Variants in CNOT10 observed in about 807,000 individuals in gnomAD.
CNOT10 encodes CCR4-NOT transcription complex subunit 10, also known as CCR4-NOT transcription complex, subunit 10.
In CNOT10, 30 loss-of-function variants were observed where a neutral mutation model predicts 94.6. That is an observed-to-expected ratio of 0.32 (90% CI 0.24 to 0.43). CNOT10 has a LOEUF of 0.43. Ranked by LOEUF, CNOT10 falls within the 20% of genes least tolerant of loss-of-function variation. The pLI is 1.00. For synonymous variants in CNOT10, 289 were observed against 301.6 expected (o/e 0.96, Z 0.43); for missense variants, 759 against 877.2 (o/e 0.87, Z 1.70).
intron 17 of CNOT10, among the ~76,000 whole-genome samples, chr3:32,768,101 A>T (rs1700727927): frequency 6.6e-6 from 1 of 152,178 alleles, no homozygotes; most frequent in Admixed American, 6.5e-5. Flanking sequence ...CTCCGAGTAG[A>T]TGTTTCCAAG....
chr3:32,767,035 GA>G (rs1247352330), intron 17 of CNOT10, among the ~76,000 whole-genome samples: 2 of 152,184 alleles, frequency 1.3e-5, no homozygotes, highest in Non-Finnish European at 2.9e-5. Context: ...CTTGCTTGTA[GA>G]CCTTTGCAGT....
Position 32,773,441 on chromosome 3 carries a change from G to A in CNOT10, c.2081-16G>A. The stretch of plus-strand genomic sequence containing the variant: ...TTGTTCTGTGCTTTGTTTTTTAACG[G>A]GAAGTGTTTTTATAGGTAATACTCA... On this transcript the variant is annotated splice_polypyrimidine_tract_variant and intron_variant, in intron 18 of 18. Coordinates refer to ENST00000328834, the MANE Select transcript of CNOT10 (RefSeq NM_015442.3). The A allele has an allele frequency of 6.2e-7, 1 of 1,601,246 alleles. No individual in the cohort carries two copies. Among genetic ancestry groups the A allele is most frequent in the African/African-American group, 1.3e-5 (1 of 74,462 alleles).
chr3:32,708,953 TA>T, intron 4 of CNOT10, 133 bp downstream of exon 4: 1 of 651,654 alleles, frequency 1.5e-6, no homozygotes, highest in South Asian at 3.0e-5. Context: ...CAGCTTTGCT[TA>T]ATGGTTAGAA....
chr3:32,713,537 A>G (rs1489067950), intron 5 of CNOT10, among the ~76,000 whole-genome samples, 168 bp downstream of exon 5: 1 of 152,240 alleles, frequency 6.6e-6, no homozygotes, highest in African/African-American at 2.4e-5. Context: ...TTACCATTTT[A>G]AAGTGTAGAG....
intron 18 of CNOT10, among the ~76,000 whole-genome samples, chr3:32,770,869 A>G (rs1700872972): frequency 6.6e-6 from 1 of 151,784 alleles, no homozygotes; most frequent in African/African-American, 2.4e-5. Flanking sequence ...ACCCACCAAC[A>G]TGCCTGGTTA....
chr3:32,764,688 A>G lies in CNOT10; in HGVS notation c.1883A>G (p.Lys628Arg), dbSNP rs1316732775. The change falls in exon 17 of 19, where the codon AAG becomes AGG. Residue 628 changes from lysine to arginine, a missense_variant. Transcript: ENST00000328834. ...GENEAMESSG[K>R]RAPQCYPSSV... ...CTACACTCTTTTTCCCCAGCTGGTA[A>G]GCGGGCCCCTCAGTGCTACCCCAGT... is the stretch of plus-strand genomic sequence containing the variant. 2 of 1,613,882 alleles carry G rather than the reference A, an allele frequency of 1.2e-6. No homozygotes were observed. The highest frequency in any genetic ancestry group is 2.2e-5 in the South Asian group (2 of 91,026).
intron 4 of CNOT10, among the ~76,000 whole-genome samples, chr3:32,711,899 C>T (rs1358771050): frequency 6.6e-6 from 1 of 152,180 alleles, no homozygotes; most frequent in East Asian, 1.9e-4. Flanking sequence ...AGATATATGA[C>T]CTTTGCACAC....
rs534485771 is a variant in CNOT10 at position 32,718,644 on chromosome 3, G to A, written c.744+1407G>A. Among the ~76,000 whole-genome samples, 3 of 149,944 alleles carry A rather than the reference G, an allele frequency of 2.0e-5. No individual in the cohort carries two copies. In the South Asian group the frequency reaches 6.4e-4, roughly 32 times the overall value. ...CTTAAAGGAGACCACAGTCATAGAGGAAAGACAATTGAAAATTAATAGTCA... is the reference window on the plus strand; with the variant it reads ...CTTAAAGGAGACCACAGTCATAGAGAAAAGACAATTGAAAATTAATAGTCA... On this transcript the variant is annotated intron_variant, in intron 7 of 18. Coordinates refer to ENST00000328834, the MANE Select transcript of CNOT10 (RefSeq NM_015442.3).
chr3:32,704,043 T>C, intron 2 of CNOT10, 81 bp downstream of exon 2: 1 of 768,560 alleles, frequency 1.3e-6, no homozygotes, highest in East Asian at 2.7e-5. Flanking sequence ...TTTTTAAATT[T>C]ACAATTTTTA....
intron 4 of CNOT10, among the ~76,000 whole-genome samples, chr3:32,712,007 T>C (rs528187521): frequency 3.9e-5 from 6 of 152,070 alleles, no homozygotes; most frequent in Admixed American, 3.9e-4. Context: ...TCTTCTTTTT[T>C]GAAAGGAAAG....
intron 1 of CNOT10, among the ~76,000 whole-genome samples, chr3:32,703,207 A>G (rs1697451683): frequency 6.6e-6 from 1 of 150,772 alleles, no homozygotes; most frequent in Non-Finnish European, 1.5e-5. Context: ...TACAGGCGTG[A>G]GCCACCGTGC....
chr3:32,740,352 G>A (rs564040228), intron 13 of CNOT10, among the ~76,000 whole-genome samples: 8 of 152,106 alleles, frequency 5.3e-5, no homozygotes, highest in African/African-American at 1.2e-4. Flanking sequence ...CCAGCTATTC[G>A]AGAGGCTGAA....
intron 13 of CNOT10, among the ~76,000 whole-genome samples, chr3:32,741,677 G>T (rs1699470337): frequency 6.6e-6 from 1 of 151,374 alleles, no homozygotes; most frequent in Non-Finnish European, 1.5e-5. Flanking sequence ...GCTGAGGCAG[G>T]AGAATCGTTT....
At chr3:32,768,728 C>CA (rs1039136011) in intron 17 of CNOT10, among the ~76,000 whole-genome samples, 3 of 152,200 alleles carry the variant, frequency 2.0e-5, no homozygotes, top group African/African-American at 7.2e-5. Context: ...AAAGCCTCCC[C>CA]ACCTCATTCA....
Position 32,704,840 on chromosome 3 carries a change from C to T in CNOT10, c.147C>T (p.His49=), listed in dbSNP as rs1274547072. 1 of 1,567,042 alleles carries T rather than the reference C, an allele frequency of 6.4e-7. No individual in the cohort carries two copies. The highest frequency in any genetic ancestry group is 2.3e-5 in the East Asian group (1 of 42,842). Residue 49 remains histidine, a synonymous_variant, in exon 3 of 19, where the codon CAC becomes CAT. Coordinates refer to ENST00000328834, the MANE Select transcript of CNOT10 (RefSeq NM_015442.3). Reference sequence around the variant, plus strand: ...GAAATTATGATGCCTGTCTACAACACCTTGCCTGTCTACAAGATATAAACA... The same window carrying T: ...GAAATTATGATGCCTGTCTACAACATCTTGCCTGTCTACAAGATATAAACA... The part of the protein sequence containing the change: ...TSGNYDACLQ[H]LACLQDINKD...
At chr3:32,772,200 A>G (rs1473515321) in intron 18 of CNOT10, among the ~76,000 whole-genome samples, 3 of 152,150 alleles carry the variant, frequency 2.0e-5, no homozygotes, top group East Asian at 1.9e-4. Flanking sequence ...AATACACAAA[A>G]TTAGCTGGGC....
chr3:32,735,078 T>A, intron 12 of CNOT10, 102 bp downstream of exon 12: 1 of 986,250 alleles, frequency 1.0e-6, no homozygotes, highest in Non-Finnish European at 1.5e-6. Context: ...AACCTGAATT[T>A]CTGAAATTCT....
At chr3:32,687,229 C>T (rs1211506878) in intron 1 of CNOT10, among the ~76,000 whole-genome samples, 1 of 151,774 alleles carries the variant, frequency 6.6e-6, no homozygotes, top group Non-Finnish European at 1.5e-5. Flanking sequence ...ATTGAGTAGT[C>T]TTCTCACTGG....
At chr3:32,685,939 C>CT (rs113916685) in intron 1 of CNOT10, among the ~76,000 whole-genome samples, 5,943 of 150,054 alleles carry the variant, frequency 0.04, 186 homozygotes, top group African/African-American at 0.079. Flanking sequence ...GTAAAAACCA[C>CT]TTTTTTTTTT....
Sources: gnomAD v4.1 joint callset for allele counts (sites outside exome capture counted in the v4.1 genomes callset) on GRCh38, gnomAD v4.1.1 for gene constraint, MANE v1.5 for transcripts, NCBI Gene and HGNC (gene_info 2026-07-23, HGNC 2026-07-21) for gene names.